The following PRRG1 variants were observed in gnomAD, a reference collection of about 807,000 sequenced individuals.
The protein encoded by PRRG1 is transmembrane gamma-carboxyglutamic acid protein 1.
PRRG1 carries 5 observed loss-of-function variants against 11.8 expected under a neutral mutation model. That is an observed-to-expected ratio of 0.42 (90% CI 0.22 to 0.89). The LOEUF is 0.89. Among genes scored for constraint, PRRG1 ranks in the 40% least tolerant of loss-of-function variants. PRRG1 has a pLI of 0.28. For missense variants in PRRG1, 155 were observed against 166.1 expected (o/e 0.93, Z 0.37); for synonymous variants, 66 against 60.4 (o/e 1.09, Z -0.43).
chrX:37,453,738 C>T lies in PRRG1; in HGVS notation c.*117C>T. On this transcript the variant is annotated 3_prime_UTR_variant, in exon 4 of 4. Transcript: ENST00000378628. ...ATTTTATTGGACTCTTACCGCATAC[C>T]ACTTCACACTTGTTTTATTTTCTTT... 1.4e-6 allele frequency: 1 copy of T among 700,695 alleles called. No homozygotes were observed. The highest frequency in any genetic ancestry group is 1.9e-6 in the Non-Finnish European group (1 of 517,130). The allele number at this position is 700,695 out of a possible 1,213,427, so 57.7% of individuals were successfully genotyped here.
intron 3 of PRRG1, among the ~76,000 whole-genome samples, chrX:37,445,385 G>A (rs890305105): frequency 8.9e-6 from 1 of 112,112 alleles, no homozygotes; most frequent in Non-Finnish European, 1.9e-5. Context: ...CCACCCCAGA[G>A]CTACAGTATT....
chrX:37,399,776 G>T (rs1431232156), intron 1 of PRRG1, among the ~76,000 whole-genome samples: 1 of 105,505 alleles, frequency 9.5e-6, no homozygotes, highest in Non-Finnish European at 1.9e-5. Flanking sequence ...AAAATAAAAG[G>T]ATGGAGGAAG....
intron 1 of PRRG1, among the ~76,000 whole-genome samples, chrX:37,380,087 A>G (rs1262222585): frequency 1.8e-5 from 2 of 111,795 alleles, no homozygotes; most frequent in Non-Finnish European, 3.8e-5. Context: ...GATTTAAATA[A>G]AAATGGAAGG....
At position 37,374,390 on chromosome X, in the gene PRRG1, G is replaced by A. The variant is rs1337902175; in HGVS notation, c.-42+24995G>A. 3.6e-5 allele frequency among the ~76,000 whole-genome samples: 4 copies of A among 111,479 alleles called. No homozygotes were observed. In the Admixed American group the frequency reaches 3.8e-4, roughly 11 times the overall value. On this transcript the variant is annotated intron_variant, in intron 1 of 3. Coordinates refer to ENST00000378628, the MANE Select transcript of PRRG1 (RefSeq NM_001142395.2). Reference sequence around the variant, plus strand: ...TATTTACCTCAGAATGGACTTCTCTGTATTTATTCTGCTTTGAAATCATTT... The same window carrying A: ...TATTTACCTCAGAATGGACTTCTCTATATTTATTCTGCTTTGAAATCATTT...
intron 2 of PRRG1, among the ~76,000 whole-genome samples, chrX:37,406,681 T>C (rs911325054): frequency 2.7e-5 from 3 of 110,986 alleles, no homozygotes. Context: ...AAAAATCATC[T>C]GTGAGGTTGA....
chrX:37,453,456 C>T lies in PRRG1; in HGVS notation c.492C>T (p.Ser164=). ...GRSDSVSTRL[S]NCDPPPTYEE... Reference sequence around the variant, plus strand: ...CAGATTCCGTCTCTACTCGCCTGTCCAATTGTGATCCCCCGCCAACCTATG... The same window carrying T: ...CAGATTCCGTCTCTACTCGCCTGTCTAATTGTGATCCCCCGCCAACCTATG... The change falls in exon 4 of 4, where the codon TCC becomes TCT. Residue 164 remains serine, a synonymous_variant. Coordinates refer to ENST00000378628, the MANE Select transcript of PRRG1 (RefSeq NM_001142395.2). The T allele has an allele frequency of 8.3e-7, 1 of 1,210,380 alleles. No homozygotes were observed. Among genetic ancestry groups the T allele is most frequent in the Non-Finnish European group, 1.1e-6 (1 of 895,049 alleles).
chrX:37,432,307 C>G (rs782228366), intron 3 of PRRG1, among the ~76,000 whole-genome samples: 77 of 89,693 alleles, frequency 8.6e-4, no homozygotes, highest in African/African-American at 5.8e-3. Context: ...AGGATGGTCT[C>G]GATCTCCTGA....
chrX:37,364,151 G>A (rs1029230223), intron 1 of PRRG1, among the ~76,000 whole-genome samples: 1 of 110,997 alleles, frequency 9.0e-6, no homozygotes, highest in Non-Finnish European at 1.9e-5. Context: ...TGGTGCTAGA[G>A]TTAGGACCCC....
chrX:37,383,213 T>C (rs1333588516), intron 1 of PRRG1, among the ~76,000 whole-genome samples: 1 of 112,056 alleles, frequency 8.9e-6, no homozygotes, highest in African/African-American at 3.2e-5. Flanking sequence ...CACTCATGCT[T>C]TTATGAGATG....
At chrX:37,441,564 C>T (rs1556393797) in intron 3 of PRRG1, 4 of 767,612 alleles carry the variant, frequency 5.2e-6, no homozygotes, top group Admixed American at 7.5e-5. Context: ...AGAACTACCA[C>T]CCCAACTGCG....
At chrX:37,361,485 A>G (rs1930413948) in intron 1 of PRRG1, among the ~76,000 whole-genome samples, 1 of 112,517 alleles carries the variant, frequency 8.9e-6, no homozygotes, top group Non-Finnish European at 1.9e-5. Flanking sequence ...TGCAAATTAA[A>G]TGCACTAGAA....
At chrX:37,449,565 T>C (rs1921042394) in intron 3 of PRRG1, among the ~76,000 whole-genome samples, 1 of 112,414 alleles carries the variant, frequency 8.9e-6, no homozygotes, top group South Asian at 3.7e-4. Flanking sequence ...GGATGAAACG[T>C]CTACCTCTTG....
chrX:37,386,511 G>A (rs1931334768), intron 1 of PRRG1: 1 of 112,076 alleles, frequency 8.9e-6, no homozygotes, highest in South Asian at 3.7e-4. Context: ...TGGCTGAAAA[G>A]CTTTATTTGC....
intron 1 of PRRG1, among the ~76,000 whole-genome samples, chrX:37,401,263 G>T (rs2146573088): frequency 9.0e-6 from 1 of 111,064 alleles, no homozygotes; most frequent in African/African-American, 3.3e-5. Context: ...AAATCCAGCA[G>T]CACATCAAAA....
Position 37,454,417 on chromosome X carries a change from A to C in PRRG1, c.*796A>C, listed in dbSNP as rs1921274911. The C allele has an allele frequency of 9.0e-6, 1 of 111,592 alleles. No individual in the cohort carries two copies. The highest frequency in any genetic ancestry group is 1.9e-5 in the Non-Finnish European group (1 of 53,126). 9.2% of individuals were successfully genotyped at this position (111,592 alleles called of 1,213,427 possible). A position where few individuals can be genotyped will look rare whatever the true frequency, so the allele number is the denominator to read the frequency against. ...TCCAGGCAACAAAATAATTTCTAAAATGGATATATGTGTGGATTAATGACA... is the reference window on the plus strand; with the variant it reads ...TCCAGGCAACAAAATAATTTCTAAACTGGATATATGTGTGGATTAATGACA... On this transcript the variant is annotated 3_prime_UTR_variant, in exon 4 of 4. Transcript: ENST00000378628.
intron 1 of PRRG1, among the ~76,000 whole-genome samples, chrX:37,405,438 A>G (rs1932156863): frequency 9.0e-6 from 1 of 111,681 alleles, no homozygotes; most frequent in African/African-American, 3.2e-5. Context: ...GCTTAGTTTC[A>G]TATTGGGAAC....
intron 1 of PRRG1, among the ~76,000 whole-genome samples, chrX:37,380,323 T>C (rs925798015): frequency 1.8e-5 from 2 of 112,022 alleles, no homozygotes; most frequent in Non-Finnish European, 3.8e-5. Flanking sequence ...AAAATGGGCA[T>C]TTTAATATTA....
At chrX:37,387,130 C>CA (rs1556375409) in intron 1 of PRRG1, among the ~76,000 whole-genome samples, 1 of 111,566 alleles carries the variant, frequency 9.0e-6, no homozygotes, top group East Asian at 2.8e-4. Context: ...GAGAGATACC[C>CA]AAAATAGAAC....
chrX:37,438,490 G>A (rs1379179569), intron 3 of PRRG1, among the ~76,000 whole-genome samples: 1 of 96,254 alleles, frequency 1.0e-5, no homozygotes, highest in Non-Finnish European at 2.0e-5. Context: ...AGGCTGGAGT[G>A]CAATGCCATG....
Sources: allele counts gnomAD v4.1 joint callset (sites outside exome capture counted in the v4.1 genomes callset), GRCh38; gene constraint gnomAD v4.1.1; transcripts MANE v1.5; gene names NCBI Gene and HGNC (gene_info 2026-07-23, HGNC 2026-07-21).